Variants in USP44 observed in about 807,000 individuals in gnomAD.
USP44 encodes the protein ubiquitin carboxyl-terminal hydrolase 44.
Under a neutral mutation model 69.0 loss-of-function variants are expected in USP44, and 61 were observed. The observed-to-expected ratio is 0.88, with a 90% CI of 0.72 to 1.09. The LOEUF (loss-of-function observed/expected upper bound fraction) is 1.09, where lower values mean the gene tolerates loss of function less well. Ranked by LOEUF, USP44 falls within the 50% of genes least tolerant of loss-of-function variation. The pLI is 0.00. For synonymous variants in USP44, 297 were observed against 295.4 expected, an observed-to-expected ratio of 1.01 and a Z score of -0.06; for missense variants, 753 against 849.9, an observed-to-expected ratio of 0.89 and a Z score of 1.42.
chr12:95,528,979 G>A lies in USP44; in HGVS notation c.1452C>T (p.Asn484=). ...LSQVTCLACD[N]KSNTIEPFWD... Reference sequence around the variant, plus strand: ...AGAAAGGTTCTATGGTATTTGATTTGTTGTCACATGCAAGACATGTAACCT... The same window carrying A: ...AGAAAGGTTCTATGGTATTTGATTTATTGTCACATGCAAGACATGTAACCT... The change falls in exon 3 of 6, where the codon AAC becomes AAT. Residue 484 remains asparagine, a synonymous_variant. Coordinates refer to ENST00000258499, the MANE Select transcript of USP44 (RefSeq NM_032147.5). 6.2e-7 allele frequency: 1 copy of A among 1,612,174 alleles called. No individual in the cohort carries two copies. Among genetic ancestry groups the A allele is most frequent in the Non-Finnish European group, 8.5e-7 (1 of 1,179,236 alleles).
At chr12:95,538,543 A>AGC (rs1555202932) in intron 1 of USP44, among the ~76,000 whole-genome samples, 3,431 of 151,018 alleles carry the variant, frequency 0.023, 138 homozygotes, top group African/African-American at 0.079. Context: ...GCATTTTAAA[A>AGC]GGGGGGGGTC....
At chr12:95,537,388 A>G (rs1007658480) in intron 1 of USP44, among the ~76,000 whole-genome samples, 32 of 152,176 alleles carry the variant, frequency 2.1e-4, no homozygotes, top group East Asian at 1.9e-3. Flanking sequence ...GTGCTATCTT[A>G]GCTCACTGCA....
At chr12:95,534,479 T>C (rs1488618898) in intron 1 of USP44, among the ~76,000 whole-genome samples, 153 bp from the exon 2 acceptor site, 1 of 152,226 alleles carries the variant, frequency 6.6e-6, no homozygotes, top group Non-Finnish European at 1.5e-5. Context: ...TTCTCTAAAC[T>C]TCCCTAACCT....
intron 5 of USP44, 151 bp downstream of exon 5, chr12:95,520,846 A>AT: frequency 4.4e-6 from 3 of 678,502 alleles, no homozygotes; most frequent in Non-Finnish European, 7.4e-6. Context: ...ATTAACTCTC[A>AT]TTTTTTAGTA....
At chr12:95,523,191 A>G (rs301000) in intron 4 of USP44, among the ~76,000 whole-genome samples, 11,829 of 152,228 alleles carry the variant, frequency 0.078, 647 homozygotes, top group Non-Finnish European at 0.12. Flanking sequence ...GGGTAAACAC[A>G]AAGGTTTCCC....
intron 1 of USP44, among the ~76,000 whole-genome samples, chr12:95,544,030 A>C (rs1592747766): frequency 7.2e-6 from 1 of 138,386 alleles, no homozygotes; most frequent in Admixed American, 7.5e-5. Context: ...CGGACATTCC[A>C]CTGTAAATTT....
intron 5 of USP44, among the ~76,000 whole-genome samples, chr12:95,520,422 G>A (rs10777698): frequency 0.23 from 35,552 of 151,820 alleles, 4,785 homozygotes; most frequent in East Asian, 0.48. Context: ...AACCCGGGAG[G>A]CAGAGGTTGC....
In USP44 at chr12:95,521,130, G is replaced by GGGCT. The variant is rs2076647531; in HGVS notation, c.1802_1805dup (p.Tyr603AlafsTer19). 6.2e-7 allele frequency: 1 copy of GGGCT among 1,614,112 alleles called. No homozygotes were observed. The highest frequency in any genetic ancestry group is 8.5e-7 in the Non-Finnish European group (1 of 1,180,026). On this transcript the variant is annotated frameshift_variant, in exon 5 of 6. Transcript: ENST00000258499. LOFTEE classifies it high-confidence loss of function. The stretch of plus-strand genomic sequence containing the variant: ...ATTTCAGGGTCTCCCTGCAGCAATA[G>GGGCT]GGCTCCATGTTTAAGATTTCCTCAA...
Position 95,518,260 on chromosome 12 carries a change from C to G in USP44, c.2033G>C (p.Arg678Pro). ...TTTAGAATGTCCATTCTCAGTAACT[C>G]GTTGGGTATAAAACAAGATATAAGC... Reference protein sequence around the residue: ...AQAYILFYTQRVTENGHSKLL... With the variant: ...AQAYILFYTQPVTENGHSKLL... Residue 678 changes from arginine to proline, a missense_variant, in exon 6 of 6, where the codon CGA becomes CCA. Coordinates refer to ENST00000258499, the MANE Select transcript of USP44 (RefSeq NM_032147.5). 6.2e-7 allele frequency: 1 copy of G among 1,614,094 alleles called. No homozygotes were observed. Among genetic ancestry groups the G allele is most frequent in the South Asian group, 1.1e-5 (1 of 91,076 alleles).
rs776823308 is a variant in USP44 at position 95,533,591 on chromosome 12, C to T, written c.666G>A (p.Ser222=). 25 of 1,613,440 alleles carry T rather than the reference C, an allele frequency of 1.5e-5. No homozygotes were observed. Among genetic ancestry groups the T allele is most frequent in the East Asian group, 8.9e-5 (4 of 44,894 alleles). ...GAACAGAAACTATTTCTATTATGGT[C>T]GACTGAGCGAGCCCTTGTAAACGTA... is the stretch of plus-strand genomic sequence containing the variant. ...KSLRLQGLAQ[S]TIIEIVSVQV... is the part of the protein sequence containing the mutation. The change falls in exon 2 of 6, where the codon TCG becomes TCA. Residue 222 remains serine, a synonymous_variant. Coordinates refer to ENST00000258499, the MANE Select transcript of USP44 (RefSeq NM_032147.5).
At chr12:95,535,463 C>CTT (rs780474353) in intron 1 of USP44, 5 of 151,992 alleles carry the variant, frequency 3.3e-5, no homozygotes, top group Non-Finnish European at 7.4e-5. Flanking sequence ...GGAGAATGTG[C>CTT]TTTTGTATTT....
chr12:95,536,656 A>G (rs2077215147), intron 1 of USP44, among the ~76,000 whole-genome samples: 1 of 152,130 alleles, frequency 6.6e-6, no homozygotes. Context: ...CACCAGCCTG[A>G]TCCAAGCTAC....
At chr12:95,542,043 G>A (rs1299887668) in intron 1 of USP44, among the ~76,000 whole-genome samples, 1 of 151,940 alleles carries the variant, frequency 6.6e-6, no homozygotes, top group Admixed American at 6.6e-5. Flanking sequence ...ACCATGCCTG[G>A]CTAACTTTCA....
At chr12:95,545,673 G>A (rs1248795376) in intron 1 of USP44, among the ~76,000 whole-genome samples, 2 of 152,180 alleles carry the variant, frequency 1.3e-5, no homozygotes, top group African/African-American at 2.4e-5. Context: ...AAACGCCAAG[G>A]GTCAAGCACA....
chr12:95,551,358 CAG>C lies in USP44; in HGVS notation c.-159_-158del, dbSNP rs1181151942. 2 of 152,536 alleles carry C rather than the reference CAG, an allele frequency of 1.3e-5. No individual in the cohort carries two copies. The highest frequency in any genetic ancestry group is 2.9e-5 in the Non-Finnish European group (2 of 68,056). The allele number at this position is 152,536 out of a possible 1,614,324, so 9.4% of individuals were successfully genotyped here. ...CCCTGCAGGATCGCCCAGTTTCCAT[CAG>C]GGCAAATGCTGATCTCCTAAGTGAA... On this transcript the variant is annotated 5_prime_UTR_variant, in exon 1 of 6. The change abolishes the stop of an existing upstream ORF in the 5' untranslated region. Transcript: ENST00000258499.
intron 1 of USP44, chr12:95,547,090 A>G (rs887382511): frequency 1.2e-4 from 19 of 152,240 alleles, no homozygotes; most frequent in African/African-American, 4.6e-4. Flanking sequence ...CAAAAAGTGT[A>G]CCATTGTATA....
chr12:95,541,197 A>G (rs2077377961), intron 1 of USP44, among the ~76,000 whole-genome samples: 1 of 152,120 alleles, frequency 6.6e-6, no homozygotes, highest in Non-Finnish European at 1.5e-5. Flanking sequence ...AATTGCTTGC[A>G]CCTGGGAGAC....
At chr12:95,537,730 AG>A (rs1189307590) in intron 1 of USP44, among the ~76,000 whole-genome samples, 3 of 152,218 alleles carry the variant, frequency 2.0e-5, no homozygotes, top group Admixed American at 1.3e-4. Context: ...CTTTCAGAAA[AG>A]GATCAGTAGG....
At position 95,533,123 on chromosome 12, in the gene USP44, G is replaced by A. The variant is rs1460788473; in HGVS notation, c.1134C>T (p.Tyr378=). ...TATGCAATTCATGACAAAGAGAAAT[G>A]TACTGTGAAGTTGGCTCCTTTGGCT... is the stretch of plus-strand genomic sequence containing the variant. ...LIQPKEPTSQ[Y]ISLCHELHTL... The change falls in exon 2 of 6, where the codon TAC becomes TAT. Residue 378 remains tyrosine (Y), a synonymous_variant. Coordinates refer to ENST00000258499, the MANE Select transcript of USP44 (RefSeq NM_032147.5). The A allele has an allele frequency of 6.2e-7, 1 of 1,614,214 alleles. No individual in the cohort carries two copies. The highest frequency in any genetic ancestry group is 1.1e-5 in the South Asian group (1 of 91,088).
Sources: gnomAD v4.1 joint callset for allele counts (sites outside exome capture counted in the v4.1 genomes callset) on GRCh38, gnomAD v4.1.1 for gene constraint, MANE v1.5 for transcripts, NCBI Gene and HGNC (gene_info 2026-07-23, HGNC 2026-07-21) for gene names.